PGBD2: variants seen among roughly 807,000 people sequenced by gnomAD.
PGBD2 encodes the protein piggyBac transposable element derived 2, also known as piggyBac transposable element-derived protein 2.
In PGBD2, 6 loss-of-function variants were observed where a neutral mutation model predicts 8.1. That is an observed-to-expected ratio of 0.74 (90% confidence interval 0.40 to 1.46). The LOEUF (loss-of-function observed/expected upper bound fraction) is 1.46. PGBD2 is among the 40% of genes most tolerant of loss of function. The pLI is 0.02. For missense variants in PGBD2, 802 were observed against 739.0 expected, an observed-to-expected ratio of 1.09 and a Z score of -0.99; for synonymous variants, 318 against 272.2, an observed-to-expected ratio of 1.17 and a Z score of -1.66.
the PGBD2 span, among the ~76,000 whole-genome samples, chr1:248,896,694 T>A: frequency 6.6e-6 from 1 of 152,174 alleles, no homozygotes; most frequent in African/African-American, 2.4e-5. Context: ...TCTTCAGCGC[T>A]CACCAAGAAG....
At chr1:248,912,229 T>A (rs1291224762) in intron 1 of PGBD2, among the ~76,000 whole-genome samples, 1 of 152,208 alleles carries the variant, frequency 6.6e-6, no homozygotes, top group Admixed American at 6.5e-5. Flanking sequence ...CTTCCTGACT[T>A]CTGTTTGCAT....
At chr1:248,922,573 G>A (rs553889360), downstream of PGBD2, among the ~76,000 whole-genome samples, 1 of 152,140 alleles carries the variant, frequency 6.6e-6, no homozygotes, top group African/African-American at 2.4e-5. Flanking sequence ...TGCCCATTCA[G>A]TATGATATTG....
downstream of PGBD2, among the ~76,000 whole-genome samples, chr1:248,921,546 T>G (rs1158021277): frequency 6.6e-6 from 1 of 152,214 alleles, no homozygotes; most frequent in African/African-American, 2.4e-5. Flanking sequence ...AGCCTTGTAG[T>G]AGAGTTTGAA....
the PGBD2 span, among the ~76,000 whole-genome samples, chr1:248,927,226 G>T: frequency 1.3e-5 from 2 of 152,182 alleles, no homozygotes; most frequent in African/African-American, 4.8e-5. Flanking sequence ...ATGGGACAGG[G>T]AGTTCTTGAG....
At chr1:248,929,784 G>A in the PGBD2 span, among the ~76,000 whole-genome samples, 1 of 152,244 alleles carries the variant, frequency 6.6e-6, no homozygotes, top group Non-Finnish European at 1.5e-5. Flanking sequence ...AAGGTGAGGA[G>A]TGTTAGCCAC....
the PGBD2 span, among the ~76,000 whole-genome samples, chr1:248,925,396 G>T: frequency 6.6e-6 from 1 of 152,164 alleles, no homozygotes; most frequent in Non-Finnish European, 1.5e-5. Context: ...CACATGTAAT[G>T]CTATTGCTGC....
the PGBD2 span, among the ~76,000 whole-genome samples, chr1:248,893,192 C>T: frequency 6.6e-6 from 1 of 152,192 alleles, no homozygotes; most frequent in Non-Finnish European, 1.5e-5. Flanking sequence ...CCATCAATTT[C>T]AGAAGTTTCC....
chr1:248,913,115 T>C (rs1422416793), intron 1 of PGBD2, among the ~76,000 whole-genome samples: 1 of 152,046 alleles, frequency 6.6e-6, no homozygotes, highest in Non-Finnish European at 1.5e-5. Flanking sequence ...GCACTCAGAT[T>C]TTATAAAAAG....
the PGBD2 span, among the ~76,000 whole-genome samples, chr1:248,892,926 A>G: frequency 6.6e-6 from 1 of 152,168 alleles, no homozygotes; most frequent in Admixed American, 6.5e-5. Context: ...CTGGTTGACA[A>G]TTGTCTATAT....
chr1:248,913,963 C>T, intron 2 of PGBD2, 84 bp downstream of exon 2: 2 of 1,156,634 alleles, frequency 1.7e-6, no homozygotes. Flanking sequence ...ACATTTTTAG[C>T]TCTTGGCCTC....
At chr1:248,920,296 C>G (rs577247236), downstream of PGBD2, among the ~76,000 whole-genome samples, 6 of 152,076 alleles carry the variant, frequency 3.9e-5, no homozygotes, top group South Asian at 1.0e-3. Flanking sequence ...TATCCCTCCC[C>G]TAGCCCCCCA....
chr1:248,881,763 C>A, the PGBD2 span, among the ~76,000 whole-genome samples: 1 of 152,162 alleles, frequency 6.6e-6, no homozygotes, highest in African/African-American at 2.4e-5. Context: ...AGGAGTTCTA[C>A]AATCTTTGCT....
At chr1:248,923,528 G>A (rs2103122592), downstream of PGBD2, among the ~76,000 whole-genome samples, 1 of 152,264 alleles carries the variant, frequency 6.6e-6, no homozygotes, top group East Asian at 1.9e-4. Context: ...GGACTGAGGT[G>A]ACCTCATGCC....
chr1:248,926,291 A>T, the PGBD2 span, among the ~76,000 whole-genome samples: 9 of 152,292 alleles, frequency 5.9e-5, no homozygotes, highest in South Asian at 1.2e-3. Context: ...TAATAATGTA[A>T]ATAATTTTAC....
chr1:248,907,479 G>C (rs531755146), intron 1 of PGBD2, among the ~76,000 whole-genome samples: 1 of 152,176 alleles, frequency 6.6e-6, no homozygotes, highest in East Asian at 1.9e-4. Context: ...CAGCACAGAC[G>C]GGTGTCGGGC....
At chr1:248,907,001 A>C (rs1661667532) in intron 1 of PGBD2, among the ~76,000 whole-genome samples, 1 of 152,030 alleles carries the variant, frequency 6.6e-6, no homozygotes, top group Non-Finnish European at 1.5e-5. Flanking sequence ...CACAGAGACA[A>C]AGTATAGAGA....
intron 1 of PGBD2, among the ~76,000 whole-genome samples, chr1:248,913,363 T>C (rs1470231872): frequency 6.6e-6 from 1 of 152,246 alleles, no homozygotes. Context: ...TCTGCAGCTT[T>C]GTTTCATTAA....
At chr1:248,906,485 G>T (rs1661642334) in intron 1 of PGBD2, 143 bp downstream of exon 1, 1 of 151,138 alleles carries the variant, frequency 6.6e-6, no homozygotes, top group Non-Finnish European at 1.5e-5. Context: ...GCGGGACCAG[G>T]ACAGGAACAA....
upstream of PGBD2, among the ~76,000 whole-genome samples, chr1:248,905,207 G>T (rs1159499644): frequency 6.6e-6 from 1 of 152,150 alleles, no homozygotes; most frequent in East Asian, 1.9e-4. Context: ...CTGATCCAGG[G>T]GTTTTGGAAC....
Sources: gnomAD v4.1 joint callset for allele counts (sites outside exome capture counted in the v4.1 genomes callset) on GRCh38, gnomAD v4.1.1 for gene constraint, MANE v1.5 for transcripts, NCBI Gene and HGNC (gene_info 2026-07-23, HGNC 2026-07-21) for gene names.